The following ENAH variants were observed in gnomAD, a reference collection of about 807,000 sequenced individuals.
ENAH encodes the protein ENAH actin regulator, also known as protein enabled homolog.
A neutral mutation model predicts 78.7 loss-of-function variants in ENAH; 23 were observed. The ratio of observed to expected loss-of-function variants is 0.29; its 90% confidence interval spans 0.21 to 0.41. The LOEUF is 0.41. ENAH is among the 10% of genes least tolerant of loss of function. The pLI, the probability that ENAH is intolerant of heterozygous loss-of-function variation, is 1.00. For missense variants in ENAH, 544 were observed against 691.0 expected, an observed-to-expected ratio of 0.79 and a Z score of 2.39; for synonymous variants, 226 against 241.0, an observed-to-expected ratio of 0.94 and a Z score of 0.58.
At chr1:225,552,607 A>G (rs2096646898) in intron 3 of ENAH, among the ~76,000 whole-genome samples, 1 of 152,194 alleles carries the variant, frequency 6.6e-6, no homozygotes, top group South Asian at 2.1e-4. Context: ...TCCATGATGA[A>G]AAACTACAGA....
chr1:225,574,210 C>T (rs1288823020), intron 1 of ENAH, among the ~76,000 whole-genome samples: 1 of 152,156 alleles, frequency 6.6e-6, no homozygotes, highest in East Asian at 1.9e-4. Context: ...AGAGTAAACA[C>T]AATTGTGTTA....
At chr1:225,554,619 G>A (rs898801516) in intron 3 of ENAH, among the ~76,000 whole-genome samples, 3 of 152,082 alleles carry the variant, frequency 2.0e-5, no homozygotes, top group African/African-American at 7.3e-5. Flanking sequence ...TTCTAAAGCA[G>A]GATGAAACCC....
chr1:225,621,098 C>G (rs1332090825), intron 1 of ENAH, among the ~76,000 whole-genome samples: 1 of 152,136 alleles, frequency 6.6e-6, no homozygotes. Flanking sequence ...AAATGTGTCC[C>G]GAATTAAAAC....
chr1:225,600,723 T>C (rs2096926462), intron 1 of ENAH, among the ~76,000 whole-genome samples: 1 of 151,978 alleles, frequency 6.6e-6, no homozygotes, highest in Non-Finnish European at 1.5e-5. Flanking sequence ...GCCAGGCATG[T>C]GGTGTGCGCC....
rs928281132 is a variant in ENAH at position 225,608,815 on chromosome 1, CAAAAAAAAAAAA to C, written c.6-41413_6-41402del. ...TGGGCGACAGAGCGAGACTCTGTCT[CAAAAAAAAAAAA>C]AAAAAAAAAAAAAAGGAGGGGGGTC... is the stretch of plus-strand genomic sequence containing the variant. On this transcript the variant is annotated intron_variant, in intron 1 of 13. Coordinates refer to ENST00000366843, the MANE Select transcript of ENAH (RefSeq NM_018212.6). Among the ~76,000 whole-genome samples, 15 of 20,666 alleles carry C rather than the reference CAAAAAAAAAAAA, an allele frequency of 7.3e-4. No individual in the cohort carries two copies. The South Asian group carries it at 0.018, about 24-fold the overall frequency. The allele number at this position is 20,666 out of a possible 152,430, so 13.6% of individuals were successfully genotyped here.
chr1:225,520,942 G>A (rs368125008), intron 4 of ENAH, among the ~76,000 whole-genome samples: 12 of 43,524 alleles, frequency 2.8e-4, no homozygotes, highest in Non-Finnish European at 5.5e-4. Context: ...GGGAGGGAGG[G>A]AGGGAGGGAG....
chr1:225,627,539 G>A (rs74700731), intron 1 of ENAH, among the ~76,000 whole-genome samples: 6,620 of 152,304 alleles, frequency 0.043, 227 homozygotes, highest in South Asian at 0.1. Context: ...ACTGTGCTGA[G>A]TGCTGTTATG....
intron 1 of ENAH, among the ~76,000 whole-genome samples, chr1:225,646,337 T>C (rs1328214084): frequency 6.6e-6 from 1 of 152,158 alleles, no homozygotes; most frequent in African/African-American, 2.4e-5. Context: ...ATAGGATTAA[T>C]GGCCTTATGA....
In ENAH at chr1:225,627,991, G is replaced by A. The variant is rs970552282; in HGVS notation, c.5+24695C>T. The stretch of plus-strand genomic sequence containing the variant: ...AAGCAGAAAAGGGCAGTTACTTCAT[G>A]TTTCCAAAAGAATTCACCTTAACTG... On this transcript the variant is annotated intron_variant, in intron 1 of 13. Transcript: ENST00000366843. 3.9e-5 allele frequency among the ~76,000 whole-genome samples: 6 copies of A among 152,298 alleles called. No homozygotes were observed. In the East Asian group the frequency reaches 1.2e-3, roughly 29 times the overall value.
At chr1:225,605,048 G>C (rs1469136828) in intron 1 of ENAH, among the ~76,000 whole-genome samples, 1 of 152,172 alleles carries the variant, frequency 6.6e-6, no homozygotes, top group Non-Finnish European at 1.5e-5. Flanking sequence ...CACTGACTCA[G>C]CAGATTACAC....
At chr1:225,621,514 G>A (rs886582136) in intron 1 of ENAH, among the ~76,000 whole-genome samples, 2 of 151,698 alleles carry the variant, frequency 1.3e-5, no homozygotes, top group Non-Finnish European at 2.9e-5. Flanking sequence ...GGATGGTCTC[G>A]ATCTCCTGAC....
chr1:225,613,032 T>C (rs1271958959), intron 1 of ENAH, among the ~76,000 whole-genome samples: 3 of 152,244 alleles, frequency 2.0e-5, no homozygotes, highest in African/African-American at 7.2e-5. Context: ...AGCCAAAGTA[T>C]ACATCTACAA....
chr1:225,597,013 C>A (rs2096904912), intron 1 of ENAH, among the ~76,000 whole-genome samples: 1 of 152,280 alleles, frequency 6.6e-6, no homozygotes, highest in East Asian at 1.9e-4. Context: ...TAGAAGACTT[C>A]TAAATCCCCT....
intron 11 of ENAH, among the ~76,000 whole-genome samples, chr1:225,504,613 T>G (rs1382875755): frequency 6.6e-6 from 1 of 152,200 alleles, no homozygotes; most frequent in Non-Finnish European, 1.5e-5. Flanking sequence ...CCTCAAATAA[T>G]CAATTATCCA....
intron 3 of ENAH, among the ~76,000 whole-genome samples, chr1:225,531,258 G>A (rs988300524): frequency 6.6e-6 from 1 of 151,878 alleles, no homozygotes; most frequent in African/African-American, 2.4e-5. Flanking sequence ...TAATGTAACA[G>A]GTAATTTTAA....
At chr1:225,634,851 T>C (rs963722866) in intron 1 of ENAH, among the ~76,000 whole-genome samples, 1 of 152,230 alleles carries the variant, frequency 6.6e-6, no homozygotes, top group African/African-American at 2.4e-5. Context: ...AGTTTTGAAA[T>C]CGGGAAGTGT....
At chr1:225,515,061 A>G (rs2096407159) in intron 6 of ENAH, 161 bp from the exon 7 acceptor site, 1 of 679,962 alleles carries the variant, frequency 1.5e-6, no homozygotes, top group South Asian at 1.9e-5. Flanking sequence ...TCAGTTTTTG[A>G]AAGATACTGA....
chr1:225,487,123 C>T lies in ENAH; in HGVS notation c.*10652G>A, dbSNP rs1438795014. 6.6e-6 allele frequency: 1 copy of T among 152,412 alleles called. No individual in the cohort carries two copies. The highest frequency in any genetic ancestry group is 1.5e-5 in the Non-Finnish European group (1 of 68,044). The allele number at this position is 152,412 out of a possible 1,614,324, so 9.4% of individuals were successfully genotyped here. On this transcript the variant is annotated 3_prime_UTR_variant, in exon 14 of 14. Transcript: ENST00000366843. The stretch of plus-strand genomic sequence containing the variant: ...ATTCTAGACACATGTCATGCACATA[C>T]AGGTTACACTTTATGGTTACATGAA...
At chr1:225,615,540 C>T (rs2097023048) in intron 1 of ENAH, among the ~76,000 whole-genome samples, 2 of 151,512 alleles carry the variant, frequency 1.3e-5, no homozygotes, top group African/African-American at 4.8e-5. Flanking sequence ...TTCCCGGCCG[C>T]CCAGTCTGGG....
Sources: gnomAD v4.1 joint callset for allele counts (sites outside exome capture counted in the v4.1 genomes callset) on GRCh38, gnomAD v4.1.1 for gene constraint, MANE v1.5 for transcripts, NCBI Gene and HGNC (gene_info 2026-07-23, HGNC 2026-07-21) for gene names.